SLC4A2: variants seen among roughly 807,000 people sequenced by gnomAD.
SLC4A2 encodes solute carrier family 4 member 2.
A neutral mutation model predicts 115.0 loss-of-function variants in SLC4A2; 36 were observed. The observed-to-expected ratio is 0.31, with a 90% confidence interval of 0.24 to 0.41. The LOEUF (loss-of-function observed/expected upper bound fraction) is 0.41, where lower values mean the gene tolerates loss of function less well. SLC4A2 is among the 10% of genes least tolerant of loss of function. SLC4A2 has a pLI of 1.00. For missense variants in SLC4A2, 1,252 were observed against 1,705.6 expected, an observed-to-expected ratio of 0.73 and a Z score of 4.68; for synonymous variants, 708 against 708.3, an observed-to-expected ratio of 1.00 and a Z score of 0.01.
upstream of SLC4A2, chr7:151,058,363 T>G: frequency 5.7e-6 from 1 of 176,660 alleles, no homozygotes; most frequent in Non-Finnish European, 1.2e-5. Context: ...TGGCATTGTG[T>G]TCCCAACGGC....
chr7:151,069,131 T>C (rs113153153), intron 8 of SLC4A2, among the ~76,000 whole-genome samples: 65 of 18,952 alleles, frequency 3.4e-3, no homozygotes, highest in African/African-American at 8.3e-3. Context: ...AGAGCGAGAC[T>C]CTTATCACCA....
Position 151,061,966 on chromosome 7 carries a change from C to T in SLC4A2, c.-22C>T, listed in dbSNP as rs755710432. The T allele has an allele frequency of 1.9e-5, 31 of 1,608,312 alleles. No individual in the cohort carries two copies. Among genetic ancestry groups the T allele is most frequent in the African/African-American group, 9.3e-5 (7 of 74,902 alleles). On this transcript the variant is annotated 5_prime_UTR_variant, in exon 2 of 23. Coordinates refer to ENST00000413384, the MANE Select transcript of SLC4A2 (RefSeq NM_003040.4). ...GTTGCCCTGAAAGCCGCAGCGACAG[C>T]GAAAAGGGCTAAGATTCGGCCATGA...
chr7:151,076,123 C>T lies in SLC4A2; in HGVS notation c.3582C>T (p.Ile1194=). Residue 1194 remains isoleucine, a synonymous_variant, in exon 22 of 23, where the codon ATC becomes ATT. Coordinates refer to ENST00000413384, the MANE Select transcript of SLC4A2 (RefSeq NM_003040.4). The part of the protein sequence containing the change: ...AASLAFPFIL[I]LTVPLRMVVL... ...CCCTGGCCTTCCCCTTCATCCTCAT[C>T]CTCACAGTGCCGCTCCGCATGGTGG... The T allele has an allele frequency of 6.2e-7, 1 of 1,610,814 alleles. No individual in the cohort carries two copies. The highest frequency in any genetic ancestry group is 1.1e-5 in the South Asian group (1 of 91,088).
Position 151,074,418 on chromosome 7 carries a change from ACTT to A in SLC4A2, c.2811_2813del (p.Phe938del). 1 of 1,613,562 alleles carries A rather than the reference ACTT, an allele frequency of 6.2e-7. No homozygotes were observed. The highest frequency in any genetic ancestry group is 8.5e-7 in the Non-Finnish European group (1 of 1,179,958). On this transcript the variant is annotated inframe_deletion, in exon 18 of 23. Transcript: ENST00000413384. ...ACTCAGATCCGGCGGGTGATTGGGG[ACTT>A]TGGGGTGCCCATCGCCATCCTCATC...
chr7:151,062,524 A>C, intron 2 of SLC4A2: 1 of 1,367,350 alleles, frequency 7.3e-7, no homozygotes, highest in South Asian at 1.7e-5. Context: ...CTTAATGATT[A>C]ACCCCGTGCC....
intron 2 of SLC4A2, chr7:151,062,576 C>T (rs1281806698): frequency 1.6e-4 from 232 of 1,461,930 alleles, no homozygotes; most frequent in Non-Finnish European, 2.0e-4. Context: ...CAGAGGGGCA[C>T]GTGACTGGGA....
intron 5 of SLC4A2, 22 bp downstream of exon 5, chr7:151,064,988 G>A: frequency 6.8e-7 from 1 of 1,472,642 alleles, no homozygotes; most frequent in Non-Finnish European, 9.5e-7. Flanking sequence ...CCAATCAACA[G>A]TGTCCCCAAC....
chr7:151,059,690 G>A lies in SLC4A2; in HGVS notation c.-136G>A, dbSNP rs1469142676. 6.6e-6 allele frequency: 1 copy of A among 151,384 alleles called. No homozygotes were observed. The highest frequency in any genetic ancestry group is 1.5e-5 in the Non-Finnish European group (1 of 67,552). 9.4% of individuals were successfully genotyped at this position (151,384 alleles called of 1,614,324 possible). ...CCGGGGTGGGCACGGGGCAGTCGTC[G>A]GGAGCGCGCGAGTGCGCCGGAGGAC... On this transcript the variant is annotated 5_prime_UTR_variant, in exon 1 of 23. Transcript: ENST00000413384. This position sits in a 1 kb window ranked among gnomAD's most constrained non-coding sequence, Gnocchi z 5.8.
chr7:151,075,385 C>T lies in SLC4A2; in HGVS notation c.3178C>T (p.Arg1060Cys), dbSNP rs1367815308. Residue 1060 changes from arginine to cysteine, a missense_variant, in exon 20 of 23, where the codon CGC becomes TGC. This residue lies in a region of SLC4A2 where 253 missense variants were observed against 407.4 expected (regional missense o/e 0.62). Transcript: ENST00000413384. ...GCCCTGGTTGGCTGCTGCCACTGTC[C>T]GCTCTGTCACTCACGCCAACGCGCT... Reference protein sequence around the residue: ...GLPWLAAATVRSVTHANALTV... With the variant: ...GLPWLAAATVCSVTHANALTV... 7 of 1,611,230 alleles carry T rather than the reference C, an allele frequency of 4.3e-6. No individual in the cohort carries two copies. The highest frequency in any genetic ancestry group is 1.1e-5 in the South Asian group (1 of 91,092).
rs1402517550 is a variant in SLC4A2, at chr7:151,071,354, G to A, written c.1976-36G>A. 4.5e-6 allele frequency: 7 copies of A among 1,554,380 alleles called. No individual in the cohort carries two copies. The highest frequency in any genetic ancestry group is 6.1e-6 in the Non-Finnish European group (7 of 1,153,928). ...CCTCGAGGGGGTGAGGTGGGCAAGA[G>A]GGGCTGGGGCGCCCTGACGGAGGCC... On this transcript the variant is annotated intron_variant, in intron 13 of 22. Transcript: ENST00000413384. This position sits in a 1 kb window ranked among gnomAD's most constrained non-coding sequence, Gnocchi z 5.5.
At position 151,071,264 on chromosome 7, in the gene SLC4A2, G is replaced by A. The variant is rs1797426937; in HGVS notation, c.1942G>A (p.Ala648Thr). ...EEQGRLLPTG[A>T]GLEPKSAQDK... ...GCAGGGCCGGCTGCTACCTACAGGG[G>A]CTGGGCTGGAGCCCAAATCTGCCCA... The change falls in exon 13 of 23, where the codon GCT becomes ACT. Residue 648 changes from alanine (A) to threonine (T), a missense_variant. Physicochemically the swap from Ala to Thr is moderately conservative, Grantham distance 58. Transcript: ENST00000413384. The surrounding 1 kb of genome is among the most constrained non-coding windows in gnomAD (Gnocchi z 5.5). 6.4e-7 allele frequency: 1 copy of A among 1,562,574 alleles called. No homozygotes were observed. Among genetic ancestry groups the A allele is most frequent in the Non-Finnish European group, 8.7e-7 (1 of 1,154,704 alleles).
intron 5 of SLC4A2, among the ~76,000 whole-genome samples, chr7:151,065,697 C>A (rs971186890): frequency 3.9e-5 from 6 of 152,156 alleles, no homozygotes; most frequent in Non-Finnish European, 7.4e-5. Flanking sequence ...CAGATGCGGG[C>A]GGCGGGTTAC....
At chr7:151,069,254 G>T (rs138391747) in intron 8 of SLC4A2, among the ~76,000 whole-genome samples, 2 of 151,458 alleles carry the variant, frequency 1.3e-5, no homozygotes, top group East Asian at 3.9e-4. Context: ...GTAAAGGGCC[G>T]CCGTGGAAGG....
At position 151,071,483 on chromosome 7, in the gene SLC4A2, G is replaced by A. The variant is rs749612580; in HGVS notation, c.2069G>A (p.Arg690Gln). The A allele has an allele frequency of 1.6e-5, 26 of 1,612,564 alleles. No homozygotes were observed. The highest frequency in any genetic ancestry group is 2.7e-5 in the African/African-American group (2 of 74,918). Residue 690 changes from arginine (R) to glutamine (Q), a missense_variant, in exon 14 of 23, where the codon CGG (arginine) becomes CAG (glutamine). By Grantham distance (43) the Arg-to-Gln change is conservative. Coordinates refer to ENST00000413384, the MANE Select transcript of SLC4A2 (RefSeq NM_003040.4). This position sits in a 1 kb window ranked among gnomAD's most constrained non-coding sequence, Gnocchi z 5.5. ...RPFGGLIRDVRRRYPHYLSDF... is the reference protein window; with the variant it reads ...RPFGGLIRDVQRRYPHYLSDF... The stretch of plus-strand genomic sequence containing the variant: ...TTTGGGGGGCTGATCCGAGATGTGC[G>A]GCGCCGCTATCCCCACTACCTGAGT...
In SLC4A2 at chr7:151,072,012, C is replaced by A. The variant is rs1421041477; in HGVS notation, c.2411C>A (p.Ala804Asp). 3 of 1,613,660 alleles carry A rather than the reference C, an allele frequency of 1.9e-6. No individual in the cohort carries two copies. The highest frequency in any genetic ancestry group is 3.3e-5 in the Admixed American group (2 of 59,984). ...ATCGGCTTCTGGCTGGTGTTCCTGG[C>A]CCTGCTCATGGTGGCCCTGGAGGGG... ...VWIGFWLVFL[A>D]LLMVALEGSF... The change falls in exon 16 of 23, where the codon GCC (alanine) becomes GAC (aspartate). Residue 804 changes from alanine (A) to aspartate (D), a missense_variant. Coordinates refer to ENST00000413384, the MANE Select transcript of SLC4A2 (RefSeq NM_003040.4).
At chr7:151,061,884 C>T in intron 1 of SLC4A2, 41 bp from the exon 2 acceptor site, 1 of 1,115,982 alleles carries the variant, frequency 9.0e-7, no homozygotes, top group Non-Finnish European at 1.3e-6. Flanking sequence ...CTCCTGCCCT[C>T]CCAGGGCTCT....
chr7:151,065,007 C>G (rs778114516), intron 5 of SLC4A2, 41 bp downstream of exon 5: 1 of 1,288,032 alleles, frequency 7.8e-7, no homozygotes, highest in Non-Finnish European at 1.1e-6. Flanking sequence ...ACAGACACTT[C>G]CCCTGCTAGG....
intron 2 of SLC4A2, chr7:151,062,417 G>T: frequency 1.2e-6 from 1 of 838,028 alleles, no homozygotes; most frequent in Non-Finnish European, 1.7e-6. Flanking sequence ...TGCCACGACT[G>T]GCCACGCCCC....
Position 151,075,710 on chromosome 7 carries a change from T to C in SLC4A2, c.3406T>C (p.Tyr1136His). Reference protein sequence around the residue: ...GVTSLNGIQFYERLHLLLMPP... With the variant: ...GVTSLNGIQFHERLHLLLMPP... The stretch of plus-strand genomic sequence containing the variant: ...CACCTCCCTTAACGGGATCCAGTTC[T>C]ATGAGCGGCTGCATCTGCTGCTCAT... Residue 1136 changes from tyrosine to histidine, a missense_variant, in exon 21 of 23, where the codon TAT becomes CAT. By Grantham distance (83) the Tyr-to-His change is moderately conservative. Around this residue, in one of 14 missense-constraint regions of SLC4A2, gnomAD observed 253 missense variants for 407.4 expected, o/e 0.62. Coordinates refer to ENST00000413384, the MANE Select transcript of SLC4A2 (RefSeq NM_003040.4). The C allele has an allele frequency of 6.2e-7, 1 of 1,611,750 alleles. No individual in the cohort carries two copies. The highest frequency in any genetic ancestry group is 8.5e-7 in the Non-Finnish European group (1 of 1,178,210).
Sources: allele counts gnomAD v4.1 joint callset (sites outside exome capture counted in the v4.1 genomes callset), GRCh38; gene constraint gnomAD v4.1.1; regional missense constraint gnomAD v4.1.1; non-coding constraint Gnocchi (gnomAD v3.1); transcripts MANE v1.5; gene names NCBI Gene and HGNC (gene_info 2026-07-23, HGNC 2026-07-21).